The following NTNG1 variants were observed in gnomAD, a reference collection of about 807,000 sequenced individuals.
NTNG1 encodes netrin G1, also known as netrin-G1.
In NTNG1, 16 loss-of-function variants were observed where a neutral mutation model predicts 54.0. The ratio of observed to expected loss-of-function variants is 0.30; its 90% CI spans 0.20 to 0.45. The LOEUF (loss-of-function observed/expected upper bound fraction) is 0.45. Among genes scored for constraint, NTNG1 ranks in the 20% least tolerant of loss-of-function variants. The pLI is 1.00. For synonymous variants in NTNG1, 255 were observed against 263.1 expected, an observed-to-expected ratio of 0.97 and a Z score of 0.30; for missense variants, 530 against 678.7, an observed-to-expected ratio of 0.78 and a Z score of 2.43.
intron 7 of NTNG1, among the ~76,000 whole-genome samples, chr1:107,474,709 G>A (rs554140102): frequency 1.3e-5 from 2 of 152,272 alleles, no homozygotes; most frequent in South Asian, 4.1e-4. Flanking sequence ...ATGGCAGAAG[G>A]CATCACATGA....
rs555117372 is a variant in NTNG1, at chr1:107,385,593, G to GA, written c.888-9547dup. Among the ~76,000 whole-genome samples, 450 of 135,976 alleles carry GA rather than the reference G, an allele frequency of 3.3e-3. 4 individuals are homozygous for GA. The highest frequency in any genetic ancestry group is 0.012 in the South Asian group (53 of 4,306). 89.2% of individuals were successfully genotyped at this position (135,976 alleles called of 152,430 possible). A position where few individuals can be genotyped will look rare whatever the true frequency, so the allele number is the denominator to read the frequency against. On this transcript the variant is annotated intron_variant, in intron 3 of 7. Coordinates refer to ENST00000370068, the MANE Select transcript of NTNG1 (RefSeq NM_001113226.3). Reference sequence around the variant, plus strand: ...CCAGCTAAAACTGTGCTGTTGTGAGGAAAAAAAAAAAAAAGATTATATATC... The same window carrying GA: ...CCAGCTAAAACTGTGCTGTTGTGAGGAAAAAAAAAAAAAAAGATTATATATC...
At chr1:107,303,422 C>G (rs1332995017) in intron 2 of NTNG1, among the ~76,000 whole-genome samples, 1 of 152,066 alleles carries the variant, frequency 6.6e-6, no homozygotes, top group Non-Finnish European at 1.5e-5. Context: ...AAAGATTTAT[C>G]CGACAAGTAA....
At chr1:107,175,312 A>G (rs1656565614) in intron 2 of NTNG1, among the ~76,000 whole-genome samples, 1 of 152,308 alleles carries the variant, frequency 6.6e-6, no homozygotes, top group South Asian at 2.1e-4. Flanking sequence ...AGCAAGAGGC[A>G]TTTTAGAATT....
chr1:107,183,506 G>T (rs898223716), intron 2 of NTNG1, among the ~76,000 whole-genome samples: 2 of 152,096 alleles, frequency 1.3e-5, no homozygotes, highest in Admixed American at 1.3e-4. Context: ...TTTAATGAGG[G>T]CCAAATGGTC....
intron 3 of NTNG1, among the ~76,000 whole-genome samples, chr1:107,393,035 T>A (rs1165434064): frequency 6.6e-6 from 1 of 152,182 alleles, no homozygotes; most frequent in Non-Finnish European, 1.5e-5. Context: ...TCTATTCTCC[T>A]TTTACCTCCT....
intron 2 of NTNG1, among the ~76,000 whole-genome samples, chr1:107,241,070 A>G (rs1438787890): frequency 6.6e-6 from 1 of 152,196 alleles, no homozygotes; most frequent in African/African-American, 2.4e-5. Flanking sequence ...ATAGTAATAA[A>G]GCAGATCCTT....
chr1:107,404,867 G>A (rs1673302778), intron 4 of NTNG1, among the ~76,000 whole-genome samples: 1 of 152,138 alleles, frequency 6.6e-6, no homozygotes, highest in Non-Finnish European at 1.5e-5. Context: ...CATGGTAGTT[G>A]TCAATTCACA....
chr1:107,346,594 C>T (rs1669252006), intron 3 of NTNG1, among the ~76,000 whole-genome samples: 1 of 151,958 alleles, frequency 6.6e-6, no homozygotes, highest in African/African-American at 2.4e-5. Flanking sequence ...TCAGAGATGT[C>T]AAAACAAGTG....
chr1:107,341,452 G>T (rs534814877), intron 3 of NTNG1, among the ~76,000 whole-genome samples: 1 of 152,152 alleles, frequency 6.6e-6, no homozygotes, highest in East Asian at 1.9e-4. Flanking sequence ...AATTACAAAG[G>T]GGGAAGAGCA....
chr1:107,346,162 C>T lies in NTNG1; in HGVS notation c.887+21240C>T, dbSNP rs148161157. 5.6e-3 allele frequency among the ~76,000 whole-genome samples: 848 copies of T among 152,316 alleles called. 7 individuals carry two copies. The highest frequency in any genetic ancestry group is 0.019 in the African/African-American group (796 of 41,566). On this transcript the variant is annotated intron_variant, in intron 3 of 7. Coordinates refer to ENST00000370068, the MANE Select transcript of NTNG1 (RefSeq NM_001113226.3). Reference sequence around the variant, plus strand: ...ATGTAGGAGACTAAGAAATACTGAACTACAGCCAACAAGAAATGACTGAAG... The same window carrying T: ...ATGTAGGAGACTAAGAAATACTGAATTACAGCCAACAAGAAATGACTGAAG...
chr1:107,288,568 A>C (rs1665367639), intron 2 of NTNG1, among the ~76,000 whole-genome samples: 1 of 152,156 alleles, frequency 6.6e-6, no homozygotes, highest in African/African-American at 2.4e-5. Flanking sequence ...AGTTGTTGAA[A>C]ACATTTCAAG....
chr1:107,481,062 A>T lies in NTNG1; in HGVS notation c.*222A>T, dbSNP rs1037483389. On this transcript the variant is annotated 3_prime_UTR_variant, in exon 8 of 8. Coordinates refer to ENST00000370068, the MANE Select transcript of NTNG1 (RefSeq NM_001113226.3). The stretch of plus-strand genomic sequence containing the variant: ...ACTCCAGAGGAGTTGGCAGCTGTTG[A>T]TATTATCACTGCAAATCACATTGCC... 5.7e-6 allele frequency: 3 copies of T among 524,742 alleles called. No individual in the cohort carries two copies. The highest frequency in any genetic ancestry group is 5.7e-5 in the African/African-American group (3 of 52,910). The allele number at this position is 524,742 out of a possible 1,614,324, so 32.5% of individuals were successfully genotyped here. A position where few individuals can be genotyped will look rare whatever the true frequency, so the allele number is the denominator to read the frequency against.
chr1:107,254,885 G>A (rs1053239729), intron 2 of NTNG1, among the ~76,000 whole-genome samples: 2 of 152,162 alleles, frequency 1.3e-5, no homozygotes, highest in South Asian at 4.1e-4. Context: ...ATTCAAAGAG[G>A]CTTCATACAT....
rs1008083670 is a variant in NTNG1 at position 107,483,306 on chromosome 1, C to T, written c.*2466C>T. 2 of 152,152 alleles carry T rather than the reference C, an allele frequency of 1.3e-5. No homozygotes were observed. Among genetic ancestry groups the T allele is most frequent in the Non-Finnish European group, 2.9e-5 (2 of 68,028 alleles). The allele number at this position is 152,152 out of a possible 1,614,324, so 9.4% of individuals were successfully genotyped here. On this transcript the variant is annotated 3_prime_UTR_variant, in exon 8 of 8. Coordinates refer to ENST00000370068, the MANE Select transcript of NTNG1 (RefSeq NM_001113226.3). ...AGCTAATTCTAAAATTTAATGAAGGCCTGATTTAAACTGATTCATCTGCAT... is the reference window on the plus strand; with the variant it reads ...AGCTAATTCTAAAATTTAATGAAGGTCTGATTTAAACTGATTCATCTGCAT...
At chr1:107,337,331 C>T (rs750643567) in intron 3 of NTNG1, among the ~76,000 whole-genome samples, 2 of 151,958 alleles carry the variant, frequency 1.3e-5, no homozygotes, top group Non-Finnish European at 2.9e-5. Context: ...AACTTAAAGA[C>T]ATTATGCTAA....
At chr1:107,175,954 G>T (rs1294867228) in intron 2 of NTNG1, among the ~76,000 whole-genome samples, 1 of 152,148 alleles carries the variant, frequency 6.6e-6, no homozygotes, top group Non-Finnish European at 1.5e-5. Context: ...GCTGGGGGTT[G>T]TGTGAAGTTT....
intron 3 of NTNG1, among the ~76,000 whole-genome samples, chr1:107,346,084 G>C (rs1262683444): frequency 6.6e-6 from 1 of 152,158 alleles, no homozygotes; most frequent in Non-Finnish European, 1.5e-5. Flanking sequence ...CTGATGTGTT[G>C]CAGTCTGATT....
At chr1:107,165,744 C>T (rs1655743870) in intron 2 of NTNG1, among the ~76,000 whole-genome samples, 2 of 152,148 alleles carry the variant, frequency 1.3e-5, no homozygotes, top group African/African-American at 4.8e-5. Context: ...TAATTATTGT[C>T]CGTCAATAAT....
intron 3 of NTNG1, among the ~76,000 whole-genome samples, chr1:107,373,259 A>G (rs1188250751): frequency 1.3e-5 from 2 of 151,962 alleles, no homozygotes; most frequent in Admixed American, 1.3e-4. Flanking sequence ...TTTTTAACTT[A>G]GAATTGCTTT....
Sources: allele counts gnomAD v4.1 joint callset (sites outside exome capture counted in the v4.1 genomes callset), GRCh38; gene constraint gnomAD v4.1.1; transcripts MANE v1.5; gene names NCBI Gene and HGNC (gene_info 2026-07-23, HGNC 2026-07-21).